DPP9: variants seen among roughly 807,000 people sequenced by gnomAD.
DPP9 encodes dipeptidyl peptidase 9, also known as dipeptidyl peptidase IV-related protein-2.
DPP9 carries 50 observed loss-of-function variants against 110.7 expected under a neutral mutation model. That is an observed-to-expected ratio of 0.45 (90% CI 0.36 to 0.57). The LOEUF is 0.57. DPP9 is among the 20% of genes least tolerant of loss of function. The pLI is 0.00. For synonymous variants in DPP9, 561 were observed against 514.4 expected, an observed-to-expected ratio of 1.09 and a Z score of -1.23; for missense variants, 1,022 against 1,217.9, an observed-to-expected ratio of 0.84 and a Z score of 2.39.
At chr19:4,686,297 G>A (rs1320843314) in intron 16 of DPP9, among the ~76,000 whole-genome samples, 1 of 150,636 alleles carries the variant, frequency 6.6e-6, no homozygotes, top group Non-Finnish European at 1.5e-5. Context: ...CACCATGTTG[G>A]CCAAACTTGT....
intron 10 of DPP9, among the ~76,000 whole-genome samples, chr19:4,699,052 G>A (rs1232983124): frequency 6.6e-6 from 1 of 151,322 alleles, no homozygotes; most frequent in East Asian, 1.9e-4. Flanking sequence ...CCAGCTACTC[G>A]GGAGGCTGAG....
rs2091611986 is a variant in DPP9, at chr19:4,694,455, C to G, written c.1516+206G>C. 4.5e-6 allele frequency: 3 copies of G among 659,646 alleles called. No individual in the cohort carries two copies. The South Asian group carries it at 6.0e-5, about 13-fold the overall frequency. The allele number at this position is 659,646 out of a possible 1,614,324, so 40.9% of individuals were successfully genotyped here. ...GGCACAGGGGAGGTGCTCAGTAAAT[C>G]TGCTGCCTGAATAAGCCAACAGTTG... On this transcript the variant is annotated intron_variant, in intron 13 of 21. Transcript: ENST00000262960. The surrounding 1 kb of genome is among the most constrained non-coding windows in gnomAD (Gnocchi z 4.0).
rs2090485745 is a variant in DPP9 at position 4,685,026 on chromosome 19, A to G, written c.2032-217T>C. ...CTAGGGAGGGGGAAGGGCCACTGTCAGGCTCTTTCTCAGCTGGGCCACTGC... is the reference window on the plus strand; with the variant it reads ...CTAGGGAGGGGGAAGGGCCACTGTCGGGCTCTTTCTCAGCTGGGCCACTGC... On this transcript the variant is annotated intron_variant, in intron 17 of 21. Transcript: ENST00000262960. The surrounding 1 kb of genome is among the most constrained non-coding windows in gnomAD (Gnocchi z 5.8). 2.9e-6 allele frequency: 2 copies of G among 690,422 alleles called. No individual in the cohort carries two copies. Among genetic ancestry groups the G allele is most frequent in the Non-Finnish European group, 5.3e-6 (2 of 380,260 alleles). 42.8% of individuals were successfully genotyped at this position (690,422 alleles called of 1,614,324 possible). A position where few individuals can be genotyped will look rare whatever the true frequency, so the allele number is the denominator to read the frequency against.
chr19:4,704,052 C>T lies in DPP9; in HGVS notation c.603G>A (p.Val201=). The T allele has an allele frequency of 1.2e-6, 2 of 1,613,954 alleles. No individual in the cohort carries two copies. Among genetic ancestry groups the T allele is most frequent in the South Asian group, 2.2e-5 (2 of 91,084 alleles). The stretch of plus-strand genomic sequence containing the variant: ...TGATTTCCAGCGGTTTCATAGGGGA[C>T]ACCTGAGGACAGAGACGCCCAGCTC... The part of the protein sequence containing the change: ...CRDGGKNGFM[V]SPMKPLEIKT... The change falls in exon 7 of 22, where the codon GTG becomes GTA. Residue 201 remains valine (V), a splice_region_variant and synonymous_variant. Transcript: ENST00000262960. The surrounding 1 kb of genome is among the most constrained non-coding windows in gnomAD (Gnocchi z 6.0).
chr19:4,704,666 T>TC lies in DPP9; in HGVS notation c.427-363dup, dbSNP rs1371508568. ...ACACCACCGGAGTACTCTCTCCGGGTCCCTAGTGCCATTCTTACAGACTCC... is the reference window on the plus strand; with the variant it reads ...ACACCACCGGAGTACTCTCTCCGGGTCCCCTAGTGCCATTCTTACAGACTCC... On this transcript the variant is annotated intron_variant, in intron 5 of 21. Transcript: ENST00000262960. This position sits in a 1 kb window ranked among gnomAD's most constrained non-coding sequence, Gnocchi z 6.0. Among the ~76,000 whole-genome samples, 1 of 152,126 alleles carries TC rather than the reference T, an allele frequency of 6.6e-6. No individual in the cohort carries two copies. Among genetic ancestry groups the TC allele is most frequent in the African/African-American group, 2.4e-5 (1 of 41,420 alleles).
rs371679198 is a variant in DPP9 at position 4,679,792 on chromosome 19, C to T, written c.2586+43G>A. The T allele has an allele frequency of 2.1e-6, 3 of 1,411,198 alleles. No individual in the cohort carries two copies. In the African/African-American group the frequency reaches 4.3e-5, roughly 20 times the overall value. 87.4% of individuals were successfully genotyped at this position (1,411,198 alleles called of 1,614,324 possible). On this transcript the variant is annotated intron_variant, in intron 21 of 21. Transcript: ENST00000262960. ...CGTCCCACCCCCCACTCCCAGGGAT[C>T]TGTCGGCTCGCGGAGGGGCCGAAGC... is the stretch of plus-strand genomic sequence containing the variant.
chr19:4,702,165 G>A lies in DPP9; in HGVS notation c.884-10C>T. ...TTGAGGCCCTCTGAACCTTGGGTGGGGTGGTGGAAAAACTGCTGAGGGTGC... is the reference window on the plus strand; with the variant it reads ...TTGAGGCCCTCTGAACCTTGGGTGGAGTGGTGGAAAAACTGCTGAGGGTGC... On this transcript the variant is annotated splice_polypyrimidine_tract_variant and intron_variant, in intron 8 of 21. Coordinates refer to ENST00000262960, the MANE Select transcript of DPP9 (RefSeq NM_139159.5). The A allele has an allele frequency of 6.2e-7, 1 of 1,604,486 alleles. No individual in the cohort carries two copies.
chr19:4,690,351 G>A (rs1398454268), intron 14 of DPP9, among the ~76,000 whole-genome samples: 1 of 152,254 alleles, frequency 6.6e-6, no homozygotes, highest in Non-Finnish European at 1.5e-5. Context: ...CCCGAGGGAG[G>A]AGAGGGCATT....
rs375897300 is a variant in DPP9 at position 4,689,647 on chromosome 19, C to T, written c.1672G>A (p.Val558Met). 162 of 1,567,508 alleles carry T rather than the reference C, an allele frequency of 1.0e-4. No individual in the cohort carries two copies. Among genetic ancestry groups the T allele is most frequent in the Non-Finnish European group, 1.3e-4 (154 of 1,156,200 alleles). ...TCGCCGGCCGCCTCATAGCTGACCA[C>T]GTAGAGGTGGTGCTCCAGCGGCGTG... ...KDTPLEHHLY[V>M]VSYEAAGEIV... The change falls in exon 15 of 22, where the codon GTG (valine) becomes ATG (methionine). Residue 558 changes from valine (V) to methionine (M), a missense_variant. By Grantham distance (21) the Val-to-Met change is conservative (BLOSUM62 1). Around this residue, in one of 3 missense-constraint regions of DPP9, gnomAD observed 810 missense variants for 920.6 expected, o/e 0.88. Transcript: ENST00000262960. This position sits in a 1 kb window ranked among gnomAD's most constrained non-coding sequence, Gnocchi z 7.0.
chr19:4,684,708 G>A lies in DPP9; in HGVS notation c.2133C>T (p.Ser711=). ...YAVVVIDGRG[S]CQRGLRFEGA... ...CTTCGAACCGAAGCCCTCGCTGACA[G>A]GAGCCCCTGCCGTCAATCACAACCA... The change falls in exon 18 of 22, where the codon TCC becomes TCT. Residue 711 remains serine (S), a synonymous_variant. Coordinates refer to ENST00000262960, the MANE Select transcript of DPP9 (RefSeq NM_139159.5). This position sits in a 1 kb window ranked among gnomAD's most constrained non-coding sequence, Gnocchi z 4.8. The A allele has an allele frequency of 6.2e-7, 1 of 1,612,202 alleles. No individual in the cohort carries two copies. The highest frequency in any genetic ancestry group is 8.5e-7 in the Non-Finnish European group (1 of 1,179,274).
Position 4,700,385 on chromosome 19 carries a change from A to G in DPP9, c.1013-108T>C. On this transcript the variant is annotated intron_variant, in intron 9 of 21. Transcript: ENST00000262960. The surrounding 1 kb of genome is among the most constrained non-coding windows in gnomAD (Gnocchi z 4.3). ...GGTGACGTCCACAGAGAGGTGTACA[A>G]TTGGAGTGGGGGAGGCAGGAGAAGC... 3.7e-6 allele frequency: 3 copies of G among 811,576 alleles called. No individual in the cohort carries two copies. The highest frequency in any genetic ancestry group is 4.0e-4 in the Middle Eastern group (1 of 2,490). The allele number at this position is 811,576 out of a possible 1,614,324, so 50.3% of individuals were successfully genotyped here.
chr19:4,705,494 C>CA (rs1462927771), intron 5 of DPP9, among the ~76,000 whole-genome samples: 1 of 152,218 alleles, frequency 6.6e-6, no homozygotes, highest in African/African-American at 2.4e-5. Context: ...TCATCAAACA[C>CA]AAAAACACGC....
Position 4,694,707 on chromosome 19 carries a change from T to G in DPP9, c.1470A>C (p.Leu490Phe), listed in dbSNP as rs1167056717. The G allele has an allele frequency of 6.2e-7, 1 of 1,613,406 alleles. No homozygotes were observed. Among genetic ancestry groups the G allele is most frequent in the Non-Finnish European group, 8.5e-7 (1 of 1,179,666 alleles). The stretch of plus-strand genomic sequence containing the variant: ...CACTCCAATCGTAGCCCTGGGATTT[T>G]AAAACGGCGGTGACTTTGTACAAAT... ...FCHLYKVTAVLKSQGYDWSEP... is the reference protein window; with the variant it reads ...FCHLYKVTAVFKSQGYDWSEP... The change falls in exon 13 of 22, where the codon TTA becomes TTC. Residue 490 changes from leucine (L) to phenylalanine (F), a missense_variant. By Grantham distance (22) the Leu-to-Phe change is conservative. This residue lies in a region of DPP9 where 810 missense variants were observed against 920.6 expected (regional missense o/e 0.88). Coordinates refer to ENST00000262960, the MANE Select transcript of DPP9 (RefSeq NM_139159.5). The surrounding 1 kb of genome is among the most constrained non-coding windows in gnomAD (Gnocchi z 4.0).
Position 4,689,457 on chromosome 19 carries a change from G to T in DPP9, c.1749+113C>A, listed in dbSNP as rs1599884932. 7.3e-7 allele frequency: 1 copy of T among 1,362,422 alleles called. No individual in the cohort carries two copies. 84.4% of individuals were successfully genotyped at this position (1,362,422 alleles called of 1,614,324 possible). ...ACTGCCTGCCCCAAGGCAGCTATGA[G>T]AATGCGAGACCATGAGAATGACCCT... On this transcript the variant is annotated intron_variant, in intron 15 of 21. Coordinates refer to ENST00000262960, the MANE Select transcript of DPP9 (RefSeq NM_139159.5). The surrounding 1 kb of genome is among the most constrained non-coding windows in gnomAD (Gnocchi z 7.0).
At chr19:4,702,303 T>C (rs1411866518) in intron 8 of DPP9, 148 bp from the exon 9 acceptor site, 5 of 1,140,374 alleles carry the variant, frequency 4.4e-6, no homozygotes, top group Non-Finnish European at 6.1e-6. Context: ...CGCTAGACCT[T>C]ATGCCAGTCC....
rs771924281 is a variant in DPP9, at chr19:4,701,995, G to GGCCCA, written c.1012+27_1012+31dup. ...CATGCCCCAGGGGCCTCAGATCCCC[G>GGCCCA]GCCCAGCCCCTCACATGTACCGGGC... On this transcript the variant is annotated intron_variant, in intron 9 of 21. Transcript: ENST00000262960. The GGCCCA allele has an allele frequency of 1.8e-5, 29 of 1,603,596 alleles. No homozygotes were observed. In the African/African-American group the frequency reaches 3.5e-4, roughly 19 times the overall value.
intron 1 of DPP9, 49 bp downstream of exon 1, chr19:4,723,625 G>T: frequency 6.4e-6 from 1 of 156,706 alleles, no homozygotes; most frequent in South Asian, 1.7e-4. Context: ...GTCAATGGCG[G>T]GTTCAGGGTC....
In DPP9 at chr19:4,675,335, GTTTC is replaced by G. The variant is rs1172211515; in HGVS notation, c.*1225_*1228del. ...TTTCCATAATATGTAGAGGTGGTTT[GTTTC>G]TTTTTTTTTTTTTTCTTTTCTTTTT... On this transcript the variant is annotated 3_prime_UTR_variant, in exon 22 of 22. Transcript: ENST00000262960. The G allele has an allele frequency of 2.1e-5, 3 of 141,560 alleles. No homozygotes were observed. Among genetic ancestry groups the G allele is most frequent in the African/African-American group, 7.6e-5 (3 of 39,524 alleles). 8.8% of individuals were successfully genotyped at this position (141,560 alleles called of 1,614,324 possible). A position where few individuals can be genotyped will look rare whatever the true frequency, so the allele number is the denominator to read the frequency against.
At chr19:4,688,464 T>C (rs2091000938) in intron 16 of DPP9, 2 of 353,398 alleles carry the variant, frequency 5.7e-6, no homozygotes, top group Non-Finnish European at 1.0e-5. Flanking sequence ...AGTGACAGGG[T>C]CTGTGTCTCA....
Sources: allele counts gnomAD v4.1 joint callset (sites outside exome capture counted in the v4.1 genomes callset), GRCh38; gene constraint gnomAD v4.1.1; regional missense constraint gnomAD v4.1.1; non-coding constraint Gnocchi (gnomAD v3.1); transcripts MANE v1.5; gene names NCBI Gene and HGNC (gene_info 2026-07-23, HGNC 2026-07-21).